GALNT7: variants seen among roughly 807,000 people sequenced by gnomAD.
GALNT7 encodes the protein N-acetylgalactosaminyltransferase 7.
A neutral mutation model predicts 82.1 loss-of-function variants in GALNT7; 60 were observed. The observed-to-expected ratio is 0.73, with a 90% CI of 0.59 to 0.91. GALNT7 has a LOEUF of 0.91. GALNT7 is among the 40% of genes least tolerant of loss of function. The probability of loss-of-function intolerance (pLI) is 0.00; values close to 1 mark genes in which losing one functional copy is unlikely to be tolerated. For missense variants in GALNT7, 660 were observed against 804.2 expected (o/e 0.82, Z 2.17); for synonymous variants, 243 against 275.1 (o/e 0.88, Z 1.15).
At chr4:173,265,617 CTCTG>C (rs1280222486) in intron 2 of GALNT7, among the ~76,000 whole-genome samples, 10 of 129,514 alleles carry the variant, frequency 7.7e-5, no homozygotes, top group African/African-American at 2.6e-4. Flanking sequence ...CTCTCTCTCT[CTCTG>C]TCTCTGTCTC....
In GALNT7 at chr4:173,268,676, G is replaced by A. The variant is rs1029514017; in HGVS notation, c.587+20236G>A. ...CTCCCGAGTAGCTGGGACTACAGGC[G>A]TCCACCACCACGCCCAGCTAATTTT... On this transcript the variant is annotated intron_variant, in intron 2 of 11. Transcript: ENST00000265000. 7.1e-4 allele frequency among the ~76,000 whole-genome samples: 106 copies of A among 150,318 alleles called. 3 individuals carry two copies. The highest frequency in any genetic ancestry group is 2.1e-4 in the Non-Finnish European group (14 of 67,640).
intron 2 of GALNT7, among the ~76,000 whole-genome samples, chr4:173,267,819 G>A (rs1735558470): frequency 6.6e-6 from 1 of 152,114 alleles, no homozygotes. Flanking sequence ...TGTGCTAAAG[G>A]ACATAAAAGG....
chr4:173,204,482 A>G (rs929237071), intron 1 of GALNT7, among the ~76,000 whole-genome samples: 4 of 152,160 alleles, frequency 2.6e-5, no homozygotes, highest in African/African-American at 9.7e-5. Context: ...ATGCTGTCCC[A>G]TAAATCCCAG....
chr4:173,270,339 T>C (rs1354405181), intron 2 of GALNT7, among the ~76,000 whole-genome samples: 1 of 152,208 alleles, frequency 6.6e-6, no homozygotes, highest in Non-Finnish European at 1.5e-5. Context: ...AAATTGCTCC[T>C]ATGAAATCTT....
At chr4:173,312,320 G>A (rs1057439523) in intron 8 of GALNT7, among the ~76,000 whole-genome samples, 8 of 152,236 alleles carry the variant, frequency 5.3e-5, no homozygotes, top group Admixed American at 5.2e-4. Flanking sequence ...GCTACATCTG[G>A]TGAGGGCCTT....
intron 1 of GALNT7, among the ~76,000 whole-genome samples, chr4:173,235,217 CA>C (rs1192126589): frequency 6.6e-6 from 1 of 152,162 alleles, no homozygotes; most frequent in Admixed American, 6.5e-5. Flanking sequence ...GGATTGTTTT[CA>C]AAATGCTTCT....
chr4:173,276,231 A>G (rs1219380216), intron 2 of GALNT7, among the ~76,000 whole-genome samples: 1 of 152,214 alleles, frequency 6.6e-6, no homozygotes, highest in African/African-American at 2.4e-5. Context: ...ATCAACAAGT[A>G]TGTATTGAGT....
intron 1 of GALNT7, among the ~76,000 whole-genome samples, chr4:173,214,019 C>T (rs1327759345): frequency 2.6e-5 from 4 of 152,126 alleles, no homozygotes; most frequent in Non-Finnish European, 5.9e-5. Context: ...ACTTTACCAA[C>T]ATACATTTCA....
intron 1 of GALNT7, among the ~76,000 whole-genome samples, chr4:173,234,578 G>A (rs1404323155): frequency 6.6e-6 from 1 of 152,082 alleles, no homozygotes; most frequent in Non-Finnish European, 1.5e-5. Context: ...CATCATGATT[G>A]GATAGCAAAA....
At chr4:173,185,630 T>C (rs931217065) in intron 1 of GALNT7, among the ~76,000 whole-genome samples, 2 of 152,180 alleles carry the variant, frequency 1.3e-5, no homozygotes, top group East Asian at 3.9e-4. Context: ...AAAAAGGACT[T>C]ACAGTTTAGG....
At chr4:173,205,634 G>A (rs1454296320) in intron 1 of GALNT7, among the ~76,000 whole-genome samples, 2 of 152,142 alleles carry the variant, frequency 1.3e-5, no homozygotes, top group African/African-American at 4.8e-5. Context: ...CCAATGACAG[G>A]TTAGCCAGCT....
intron 1 of GALNT7, among the ~76,000 whole-genome samples, chr4:173,217,010 T>A (rs1311674157): frequency 6.6e-6 from 1 of 151,730 alleles, no homozygotes; most frequent in Non-Finnish European, 1.5e-5. Flanking sequence ...GGATTACAGG[T>A]GTGAGCCACC....
intron 2 of GALNT7, among the ~76,000 whole-genome samples, chr4:173,252,440 G>A (rs1371385235): frequency 2.0e-5 from 3 of 152,200 alleles, no homozygotes; most frequent in Non-Finnish European, 2.9e-5. Context: ...TAGCTTGTTC[G>A]TTCTTGCGGC....
intron 1 of GALNT7, among the ~76,000 whole-genome samples, chr4:173,223,590 CA>C (rs1232922367): frequency 6.6e-6 from 1 of 151,934 alleles, no homozygotes; most frequent in East Asian, 1.9e-4. Context: ...ATGAGACCCC[CA>C]CCCCCCGCAG....
At chr4:173,298,888 GTGAT>G (rs937078914) in intron 6 of GALNT7, among the ~76,000 whole-genome samples, 2 of 152,164 alleles carry the variant, frequency 1.3e-5, no homozygotes, top group African/African-American at 2.4e-5. Flanking sequence ...TCTCAGAAAA[GTGAT>G]TGATTAAAAG....
intron 1 of GALNT7, among the ~76,000 whole-genome samples, chr4:173,174,544 T>C (rs1731975606): frequency 6.6e-6 from 1 of 152,244 alleles, no homozygotes; most frequent in Non-Finnish European, 1.5e-5. Flanking sequence ...ATCACTTCTG[T>C]GGAAAAGTTT....
intron 8 of GALNT7, among the ~76,000 whole-genome samples, chr4:173,304,441 G>A (rs1053334489): frequency 6.6e-6 from 1 of 151,472 alleles, no homozygotes; most frequent in African/African-American, 2.4e-5. Flanking sequence ...TAATTGACAA[G>A]TAAATATTGT....
intron 2 of GALNT7, among the ~76,000 whole-genome samples, chr4:173,250,426 T>C (rs1399430011): frequency 6.6e-6 from 1 of 152,092 alleles, no homozygotes; most frequent in Admixed American, 6.6e-5. Context: ...TTTAGAGACA[T>C]CCTCTGTGCC....
At chr4:173,219,520 G>C (rs1733575928) in intron 1 of GALNT7, among the ~76,000 whole-genome samples, 1 of 152,176 alleles carries the variant, frequency 6.6e-6, no homozygotes, top group Non-Finnish European at 1.5e-5. Context: ...GTGTGGGATT[G>C]CTGGATCAAA....
Sources: gnomAD v4.1 joint callset for allele counts (sites outside exome capture counted in the v4.1 genomes callset) on GRCh38, gnomAD v4.1.1 for gene constraint, MANE v1.5 for transcripts, NCBI Gene and HGNC (gene_info 2026-07-23, HGNC 2026-07-21) for gene names.